The following HPS5 variants were observed in gnomAD, a reference collection of about 807,000 sequenced individuals.
HPS5 encodes BLOC-2 complex member HPS5.
Under a neutral mutation model 128.0 loss-of-function variants are expected in HPS5, and 83 were observed. The observed-to-expected ratio is 0.65, with a 90% CI of 0.54 to 0.78. The LOEUF (loss-of-function observed/expected upper bound fraction) is 0.78, where lower values mean the gene tolerates loss of function less well. HPS5 is among the 30% of genes least tolerant of loss of function. The pLI is 0.00. For synonymous variants in HPS5, 475 were observed against 470.2 expected (o/e 1.01, Z -0.13); for missense variants, 1,281 against 1,326.2 (o/e 0.97, Z 0.53).
chr11:18,310,059 G>A (rs1456071783), intron 5 of HPS5, among the ~76,000 whole-genome samples: 1 of 152,150 alleles, frequency 6.6e-6, no homozygotes, highest in Non-Finnish European at 1.5e-5. Context: ...TTTCTGCCAG[G>A]ATCCTAAATA....
chr11:18,288,929 T>C (rs1179310950), intron 16 of HPS5, among the ~76,000 whole-genome samples: 1 of 151,882 alleles, frequency 6.6e-6, no homozygotes, highest in Non-Finnish European at 1.5e-5. Context: ...GGCTGGCATG[T>C]GTGTGTGTGT....
intron 8 of HPS5, among the ~76,000 whole-genome samples, chr11:18,303,615 A>C (rs1182036536): frequency 1.3e-5 from 2 of 152,238 alleles, no homozygotes; most frequent in Admixed American, 6.5e-5. Context: ...TACTTTGGGA[A>C]GCCGATGCAG....
chr11:18,320,514 A>G (rs1254993117), intron 1 of HPS5, among the ~76,000 whole-genome samples: 1 of 152,220 alleles, frequency 6.6e-6, no homozygotes. Context: ...GATCACTTAG[A>G]GCTCTACCAT....
At chr11:18,290,740 C>G (rs1247990336) in intron 16 of HPS5, among the ~76,000 whole-genome samples, 1 of 151,970 alleles carries the variant, frequency 6.6e-6, no homozygotes, top group African/African-American at 2.4e-5. Flanking sequence ...CTGGGCAACA[C>G]AGTAAGACCC....
At chr11:18,311,494 A>AAAT in intron 3 of HPS5, 43 bp from the exon 4 acceptor site, 8 of 1,032,262 alleles carry the variant, frequency 7.7e-6, no homozygotes, top group Non-Finnish European at 1.1e-5. Flanking sequence ...CTCAAGTTTT[A>AAAT]CATTATTATT....
rs201618471 is a variant in HPS5, at chr11:18,292,881, G to A, written c.1862+18C>T. 1 of 1,596,506 alleles carries A rather than the reference G, an allele frequency of 6.3e-7. No individual in the cohort carries two copies. The highest frequency in any genetic ancestry group is 8.6e-7 in the Non-Finnish European group (1 of 1,164,014). On this transcript the variant is annotated intron_variant, in intron 15 of 22. Transcript: ENST00000349215. The stretch of plus-strand genomic sequence containing the variant: ...ACTGCCTTGAGACGTCACTATAAAA[G>A]TTTCTCATTATACTCACATTGCTTC...
In HPS5 at chr11:18,310,792, A is replaced by T; in HGVS notation, c.426T>A (p.Asp142Glu). The T allele has an allele frequency of 6.2e-7, 1 of 1,614,148 alleles. No homozygotes were observed. The highest frequency in any genetic ancestry group is 8.5e-7 in the Non-Finnish European group (1 of 1,179,992). The change falls in exon 5 of 23, where the codon GAT (aspartate) becomes GAA (glutamate). Residue 142 changes from aspartate to glutamate, a missense_variant. Physicochemically the swap from Asp to Glu is conservative, Grantham distance 45 (BLOSUM62 2). Coordinates refer to ENST00000349215, the MANE Select transcript of HPS5 (RefSeq NM_181507.2). ...DTAILRVFVG[D>E]HAGKVSAIKL... The stretch of plus-strand genomic sequence containing the variant: ...TGATAGCAGAAACCTTCCCAGCATG[A>T]TCACCTACAAAAACTCTAAGAATAG...
chr11:18,301,949 C>T (rs1861759732), intron 8 of HPS5, among the ~76,000 whole-genome samples: 1 of 152,114 alleles, frequency 6.6e-6, no homozygotes, highest in African/African-American at 2.4e-5. Flanking sequence ...CTTCCTCCTC[C>T]ACTTATCTTC....
At chr11:18,293,021 G>A (rs1330650244) in intron 14 of HPS5, 45 bp from the exon 15 acceptor site, 1 of 1,442,940 alleles carries the variant, frequency 6.9e-7, no homozygotes, top group Non-Finnish European at 9.5e-7. Flanking sequence ...AAGAGTTAGA[G>A]GGGATCAGAG....
chr11:18,285,956 C>T (rs553611295), intron 19 of HPS5, among the ~76,000 whole-genome samples: 2 of 152,152 alleles, frequency 1.3e-5, no homozygotes, highest in Non-Finnish European at 2.9e-5. Context: ...ACCCCCACAC[C>T]CAGTTTTATC....
intron 19 of HPS5, 44 bp downstream of exon 19, chr11:18,286,547 A>T (rs60183714): frequency 1.9e-6 from 3 of 1,601,846 alleles, no homozygotes; most frequent in Non-Finnish European, 2.6e-6. Context: ...GTCTCAAAAA[A>T]AAAAAGTAAA....
intron 10 of HPS5, among the ~76,000 whole-genome samples, chr11:18,298,267 G>A (rs948844230): frequency 2.0e-5 from 3 of 150,560 alleles, no homozygotes; most frequent in Admixed American, 6.6e-5. Context: ...CAAAGTGGGC[G>A]GATCACTTGA....
chr11:18,287,496 AAAAG>A, intron 18 of HPS5, 35 bp downstream of exon 18: 1 of 1,608,720 alleles, frequency 6.2e-7, no homozygotes, highest in South Asian at 1.1e-5. Context: ...ATGCCCTGTC[AAAAG>A]AAAGGAGAGT....
At chr11:18,317,585 T>G (rs991452064) in intron 2 of HPS5, among the ~76,000 whole-genome samples, 166 bp downstream of exon 2, 3 of 152,140 alleles carry the variant, frequency 2.0e-5, no homozygotes, top group Non-Finnish European at 4.4e-5. Context: ...GGGCTCACAC[T>G]CCTCAGATAA....
intron 1 of HPS5, among the ~76,000 whole-genome samples, chr11:18,319,961 G>A (rs1384954281): frequency 6.6e-6 from 1 of 152,072 alleles, no homozygotes; most frequent in Non-Finnish European, 1.5e-5. Flanking sequence ...TAATATCATA[G>A]TGTCTCTTCT....
chr11:18,297,703 C>G lies in HPS5; in HGVS notation c.1179G>C (p.Leu393Phe). The change falls in exon 11 of 23, where the codon TTG (leucine) becomes TTC (phenylalanine). Residue 393 changes from leucine to phenylalanine, a missense_variant. By Grantham distance (22) the Leu-to-Phe change is conservative (BLOSUM62 0). Transcript: ENST00000349215. ...TCAAATGCTCCAATTTATCTGCAGTCAAAGTTTTTCTTGCCTAATAAAACA... is the reference window on the plus strand; with the variant it reads ...TCAAATGCTCCAATTTATCTGCAGTGAAAGTTTTTCTTGCCTAATAAAACA... The part of the protein sequence containing the change: ...SVIASRARKT[L>F]TADKLEHLKS... 6.2e-7 allele frequency: 1 copy of G among 1,613,962 alleles called. No homozygotes were observed. The highest frequency in any genetic ancestry group is 8.5e-7 in the Non-Finnish European group (1 of 1,179,926).
chr11:18,317,213 T>C (rs1221018890), intron 2 of HPS5, among the ~76,000 whole-genome samples: 3 of 148,194 alleles, frequency 2.0e-5, no homozygotes, highest in Non-Finnish European at 4.5e-5. Context: ...AAAAGAGTGA[T>C]AAGAGACTAC....
intron 3 of HPS5, 96 bp from the exon 4 acceptor site, chr11:18,311,547 G>A: frequency 1.6e-6 from 1 of 630,204 alleles, no homozygotes; most frequent in Non-Finnish European, 2.4e-6. Flanking sequence ...GTCTCGCTCT[G>A]TTGCCCAGGC....
Position 18,288,033 on chromosome 11 carries a change from C to CT in HPS5, c.2441-21dup. 1 of 1,612,614 alleles carries CT rather than the reference C, an allele frequency of 6.2e-7. No individual in the cohort carries two copies. The highest frequency in any genetic ancestry group is 8.5e-7 in the Non-Finnish European group (1 of 1,179,420). ...CCATTTCTGAAATATAAAGCATATC[C>CT]TTTTCCAAACTTTATCTCTTAGGCG... On this transcript the variant is annotated intron_variant, in intron 16 of 22. Coordinates refer to ENST00000349215, the MANE Select transcript of HPS5 (RefSeq NM_181507.2).
Sources: gnomAD v4.1 joint callset for allele counts (sites outside exome capture counted in the v4.1 genomes callset) on GRCh38, gnomAD v4.1.1 for gene constraint, MANE v1.5 for transcripts, NCBI Gene and HGNC (gene_info 2026-07-23, HGNC 2026-07-21) for gene names.